Variants in ASAP1 observed in about 807,000 individuals in gnomAD.
The protein encoded by ASAP1 is ArfGAP with SH3 domain, ankyrin repeat and PH domain 1.
In ASAP1, 43 loss-of-function variants were observed where a neutral mutation model predicts 145.2. The ratio of observed to expected loss-of-function variants is 0.30; its 90% confidence interval spans 0.23 to 0.38. The LOEUF is 0.38. Among genes scored for constraint, ASAP1 ranks in the 10% least tolerant of loss-of-function variants. ASAP1 has a pLI of 1.00. For missense variants in ASAP1, 1,018 were observed against 1,355.3 expected (o/e 0.75, Z 3.91); for synonymous variants, 546 against 515.5 (o/e 1.06, Z -0.80).
intron 6 of ASAP1, 88 bp from the exon 7 acceptor site, chr8:130,187,373 GTTTCC>G: frequency 8.8e-7 from 1 of 1,141,600 alleles, no homozygotes; most frequent in Non-Finnish European, 1.3e-6. Context: ...AGCAAGAATT[GTTTCC>G]TTTATAGGAC....
At chr8:130,350,836 C>G (rs1825951983) in intron 3 of ASAP1, among the ~76,000 whole-genome samples, 1 of 152,204 alleles carries the variant, frequency 6.6e-6, no homozygotes, top group Non-Finnish European at 1.5e-5. Context: ...AAGCAGACAG[C>G]CAGACAGCCC....
At chr8:130,357,974 G>A in intron 3 of ASAP1, 43 bp downstream of exon 3, 2 of 1,571,442 alleles carry the variant, frequency 1.3e-6, no homozygotes, top group Non-Finnish European at 1.7e-6. Flanking sequence ...GCTGCGCGGC[G>A]GCAGCGGCGA....
intron 1 of ASAP1, among the ~76,000 whole-genome samples, chr8:130,406,976 C>T (rs1160313425): frequency 6.6e-6 from 1 of 152,204 alleles, no homozygotes; most frequent in Non-Finnish European, 1.5e-5. Flanking sequence ...CCCAGCGCAA[C>T]AATCTGTCCA....
At chr8:130,336,639 A>G (rs1479199079) in intron 3 of ASAP1, among the ~76,000 whole-genome samples, 1 of 152,218 alleles carries the variant, frequency 6.6e-6, no homozygotes, top group Non-Finnish European at 1.5e-5. Flanking sequence ...CATCAAAGAG[A>G]TTCAGAAAAG....
intron 2 of ASAP1, among the ~76,000 whole-genome samples, chr8:130,377,217 CAG>C (rs1448383609): frequency 6.6e-6 from 1 of 151,806 alleles, no homozygotes; most frequent in Admixed American, 6.6e-5. Flanking sequence ...TTTGGGGACT[CAG>C]GGGGAAAGGG....
At chr8:130,230,036 C>T (rs528445582) in intron 4 of ASAP1, among the ~76,000 whole-genome samples, 19 of 151,604 alleles carry the variant, frequency 1.3e-4, no homozygotes, top group African/African-American at 3.6e-4. Context: ...TGCTCTCCAG[C>T]CTGGGCAACA....
At chr8:130,116,581 AT>A (rs2097556420) in intron 22 of ASAP1, 96 bp downstream of exon 22, 5 of 1,094,238 alleles carry the variant, frequency 4.6e-6, no homozygotes, top group Non-Finnish European at 5.4e-6. Context: ...TTAAAAAAAA[AT>A]GAATCTGCAT....
At chr8:130,109,472 C>T (rs1206902822) in intron 24 of ASAP1, among the ~76,000 whole-genome samples, 1 of 151,974 alleles carries the variant, frequency 6.6e-6, no homozygotes, top group Non-Finnish European at 1.5e-5. Context: ...CTGTTTCTGT[C>T]TCACTGGAAG....
intron 24 of ASAP1, among the ~76,000 whole-genome samples, chr8:130,099,008 T>A (rs151095364): frequency 7.3e-6 from 1 of 136,608 alleles, no homozygotes; most frequent in Non-Finnish European, 1.6e-5. Context: ...TCTACTAATA[T>A]AAGCTTTTTT....
chr8:130,074,228 A>C (rs1224746433), intron 27 of ASAP1, among the ~76,000 whole-genome samples: 1 of 152,138 alleles, frequency 6.6e-6, no homozygotes, highest in Non-Finnish European at 1.5e-5. Flanking sequence ...ATGTAGTAAT[A>C]GAATTGCGTA....
chr8:130,101,640 AGCTCACT>A (rs199764504), intron 24 of ASAP1, among the ~76,000 whole-genome samples: 3,793 of 151,158 alleles, frequency 0.025, 70 homozygotes, highest in Non-Finnish European at 0.036. Flanking sequence ...GCGTAATCAC[AGCTCACT>A]GCAGCCTCCT....
intron 2 of ASAP1, among the ~76,000 whole-genome samples, chr8:130,363,333 C>T (rs993977604): frequency 3.3e-5 from 5 of 152,204 alleles, no homozygotes; most frequent in East Asian, 1.9e-4. Flanking sequence ...TGAGAGCAGT[C>T]TGGACAACAT....
At chr8:130,073,080 G>A (rs1721323768) in intron 27 of ASAP1, among the ~76,000 whole-genome samples, 2 of 150,246 alleles carry the variant, frequency 1.3e-5, no homozygotes, top group Admixed American at 6.7e-5. Context: ...GAAATAGGCT[G>A]TTGTTGGTGA....
chr8:130,210,499 C>T (rs1816511952), intron 5 of ASAP1, among the ~76,000 whole-genome samples: 2 of 152,180 alleles, frequency 1.3e-5, no homozygotes, highest in Non-Finnish European at 1.5e-5. Context: ...GAACTACCAT[C>T]TAACACTCTC....
chr8:130,440,906 C>G (rs950777987), intron 1 of ASAP1, among the ~76,000 whole-genome samples: 27 of 152,298 alleles, frequency 1.8e-4, no homozygotes, highest in African/African-American at 5.3e-4. Flanking sequence ...TCCTTGATAA[C>G]AAGGAATCAC....
chr8:130,196,924 G>A (rs1460839960), intron 5 of ASAP1, among the ~76,000 whole-genome samples: 1 of 152,168 alleles, frequency 6.6e-6, no homozygotes, highest in African/African-American at 2.4e-5. Context: ...TCCTGAAGTG[G>A]CAGGTCAAAA....
intron 24 of ASAP1, among the ~76,000 whole-genome samples, chr8:130,105,757 G>T (rs1197884835): frequency 2.6e-5 from 4 of 152,164 alleles, no homozygotes; most frequent in African/African-American, 9.7e-5. Flanking sequence ...AGTGCGCTGG[G>T]ACACTAGTGT....
At chr8:130,335,240 A>G (rs780163812) in intron 3 of ASAP1, among the ~76,000 whole-genome samples, 19 of 152,198 alleles carry the variant, frequency 1.2e-4, no homozygotes, top group Non-Finnish European at 2.6e-4. Context: ...CATGAGGATG[A>G]CCATTAATTG....
intron 4 of ASAP1, among the ~76,000 whole-genome samples, chr8:130,216,077 G>A (rs1292322422): frequency 6.6e-6 from 1 of 150,824 alleles, no homozygotes. Context: ...AAAGGAAAGG[G>A]AAAAGGAAGA....
Sources: gnomAD v4.1 joint callset for allele counts (sites outside exome capture counted in the v4.1 genomes callset) on GRCh38, gnomAD v4.1.1 for gene constraint, MANE v1.5 for transcripts, NCBI Gene and HGNC (gene_info 2026-07-23, HGNC 2026-07-21) for gene names.